FRK: variants seen among roughly 807,000 people sequenced by gnomAD.
The protein encoded by FRK is fyn related Src family tyrosine kinase.
FRK carries 51 observed loss-of-function variants against 56.4 expected under a neutral mutation model. The observed-to-expected ratio is 0.90, with a 90% CI of 0.72 to 1.14. FRK has a LOEUF of 1.14. FRK is among the 50% of genes most tolerant of loss of function. The pLI, the probability that FRK is intolerant of heterozygous loss-of-function variation, is 0.00. For missense variants in FRK, 570 were observed against 601.4 expected, an observed-to-expected ratio of 0.95 and a Z score of 0.55; for synonymous variants, 245 against 217.9, an observed-to-expected ratio of 1.12 and a Z score of -1.10.
chr6:116,028,989 G>A (rs1415880612), intron 1 of FRK, among the ~76,000 whole-genome samples: 1 of 152,090 alleles, frequency 6.6e-6, no homozygotes, highest in African/African-American at 2.4e-5. Flanking sequence ...AGACAGTTGA[G>A]ATGTGGGACC....
At position 115,944,278 on chromosome 6, in the gene FRK, T is replaced by G. The variant is rs1772328170; in HGVS notation, c.1106A>C (p.Lys369Thr). The part of the protein sequence containing the change: ...NVLVGEHNIY[K>T]VADFGLARVF... ...TCTGGCAAGTCCAAAATCTGCTACT[T>G]TGTAGATATTATGTTCACCAACGAG... is the stretch of plus-strand genomic sequence containing the variant. Residue 369 changes from lysine (K) to threonine (T), a missense_variant, in exon 6 of 8, where the codon AAA becomes ACA. Lys to Thr is a moderately conservative substitution (Grantham distance 78, BLOSUM62 -1). Transcript: ENST00000606080. 1.9e-6 allele frequency: 3 copies of G among 1,611,588 alleles called. No homozygotes were observed. The highest frequency in any genetic ancestry group is 2.5e-6 in the Non-Finnish European group (3 of 1,179,334).
At chr6:116,075,593 C>A in the FRK span, among the ~76,000 whole-genome samples, 1 of 151,960 alleles carries the variant, frequency 6.6e-6, no homozygotes, top group Non-Finnish European at 1.5e-5. Context: ...GAGAAATTAA[C>A]GCTCTTCATT....
At chr6:116,017,385 C>T (rs1160989415) in intron 1 of FRK, among the ~76,000 whole-genome samples, 1 of 152,132 alleles carries the variant, frequency 6.6e-6, no homozygotes, top group Non-Finnish European at 1.5e-5. Flanking sequence ...AGGCAAACAC[C>T]GAGCTGTAAC....
At chr6:115,989,295 C>G (rs1245340439) in intron 2 of FRK, among the ~76,000 whole-genome samples, 1 of 151,668 alleles carries the variant, frequency 6.6e-6, no homozygotes, top group African/African-American at 2.4e-5. Context: ...TTTTATTTAT[C>G]TATTTTATTT....
intron 1 of FRK, among the ~76,000 whole-genome samples, chr6:116,044,773 A>G (rs990085474): frequency 3.9e-5 from 6 of 152,236 alleles, no homozygotes; most frequent in African/African-American, 1.4e-4. Flanking sequence ...GTATTCAAAT[A>G]GGAAGAGAGG....
intron 1 of FRK, among the ~76,000 whole-genome samples, chr6:116,041,605 A>T (rs1289187597): frequency 6.6e-6 from 1 of 152,172 alleles, no homozygotes; most frequent in East Asian, 1.9e-4. Flanking sequence ...GAGGGCAAGC[A>T]GAAGAATGAG....
At chr6:116,027,230 T>C (rs1776126026) in intron 1 of FRK, among the ~76,000 whole-genome samples, 1 of 152,166 alleles carries the variant, frequency 6.6e-6, no homozygotes, top group Non-Finnish European at 1.5e-5. Flanking sequence ...CCCATCATAC[T>C]ACTAGAACAA....
upstream of FRK, among the ~76,000 whole-genome samples, chr6:116,062,358 G>A (rs550895860): frequency 5.2e-4 from 78 of 151,438 alleles, no homozygotes; most frequent in African/African-American, 1.8e-3. Context: ...AGGATATTTT[G>A]TTCCAAATAC....
intron 1 of FRK, chr6:116,039,317 G>C: frequency 1.4e-6 from 2 of 1,431,214 alleles, no homozygotes; most frequent in Admixed American, 3.4e-5. Context: ...GAGAAGTTCT[G>C]AGAATGGTGT....
the FRK span, among the ~76,000 whole-genome samples, chr6:116,098,262 C>A: frequency 6.6e-6 from 1 of 151,978 alleles, no homozygotes; most frequent in African/African-American, 2.4e-5. Context: ...TAGGTGCCTG[C>A]CACCATACCC....
At chr6:115,973,476 C>T (rs776646705) in intron 2 of FRK, among the ~76,000 whole-genome samples, 37 of 152,178 alleles carry the variant, frequency 2.4e-4, no homozygotes, top group Non-Finnish European at 3.8e-4. Flanking sequence ...TTGATGGGTG[C>T]AGCAAACCAC....
Position 115,934,026 on chromosome 6 carries a change from A to T in FRK, c.*8388T>A, listed in dbSNP as rs1772003290. Reference sequence around the variant, plus strand: ...ACACACACACACACACCATATAAACACACAAAAAAATAAATATATACACAC... The same window carrying T: ...ACACACACACACACACCATATAAACTCACAAAAAAATAAATATATACACAC... On this transcript the variant is annotated 3_prime_UTR_variant, in exon 8 of 8. Coordinates refer to ENST00000606080, the MANE Select transcript of FRK (RefSeq NM_002031.3). 1 of 152,146 alleles carries T rather than the reference A, an allele frequency of 6.6e-6. No individual in the cohort carries two copies. Among genetic ancestry groups the T allele is most frequent in the African/African-American group, 2.4e-5 (1 of 41,412 alleles). 9.4% of individuals were successfully genotyped at this position (152,146 alleles called of 1,614,324 possible). A position where few individuals can be genotyped will look rare whatever the true frequency, so the allele number is the denominator to read the frequency against.
At chr6:116,079,455 T>A in the FRK span, among the ~76,000 whole-genome samples, 1 of 152,078 alleles carries the variant, frequency 6.6e-6, no homozygotes, top group Non-Finnish European at 1.5e-5. Flanking sequence ...CAGTTATGCA[T>A]GTTGAAAACA....
intron 2 of FRK, among the ~76,000 whole-genome samples, chr6:115,969,396 A>G (rs1773715721): frequency 6.6e-6 from 1 of 152,174 alleles, no homozygotes; most frequent in Non-Finnish European, 1.5e-5. Flanking sequence ...TAAGTCCTGT[A>G]GGACCTACAG....
chr6:115,951,060 C>T (rs1243172015), intron 5 of FRK, among the ~76,000 whole-genome samples: 2 of 152,036 alleles, frequency 1.3e-5, no homozygotes, highest in African/African-American at 4.8e-5. Flanking sequence ...AGGAGAAATA[C>T]CTAATGTAGA....
At chr6:116,089,996 TTAAATTTGAATTTCAGA>T in the FRK span, among the ~76,000 whole-genome samples, 6 of 152,232 alleles carry the variant, frequency 3.9e-5, no homozygotes, top group Admixed American at 6.5e-5. Context: ...GAATATCAAT[TTAAATTTGAATTTCAGA>T]TAAATTTGAA....
intron 1 of FRK, among the ~76,000 whole-genome samples, chr6:116,016,159 A>T (rs1182539345): frequency 2.6e-5 from 4 of 152,110 alleles, no homozygotes; most frequent in Non-Finnish European, 4.4e-5. Flanking sequence ...CCTAAAAGAG[A>T]AAAATGGTCT....
the FRK span, among the ~76,000 whole-genome samples, chr6:116,086,250 A>G: frequency 6.6e-6 from 1 of 152,216 alleles, no homozygotes. Context: ...ACTATTTTCC[A>G]ACAGTCAAAA....
intron 1 of FRK, among the ~76,000 whole-genome samples, chr6:116,021,117 C>G (rs1202030850): frequency 1.3e-5 from 2 of 150,914 alleles, no homozygotes; most frequent in African/African-American, 4.9e-5. Flanking sequence ...GTTTTAAATG[C>G]TGAGAAACAT....
Sources: allele counts gnomAD v4.1 joint callset (sites outside exome capture counted in the v4.1 genomes callset), GRCh38; gene constraint gnomAD v4.1.1; transcripts MANE v1.5; gene names NCBI Gene and HGNC (gene_info 2026-07-23, HGNC 2026-07-21).